PACS2: variants seen among roughly 807,000 people sequenced by gnomAD.
PACS2 encodes the protein PACS1-like protein.
Under a neutral mutation model 113.0 loss-of-function variants are expected in PACS2, and 36 were observed. The ratio of observed to expected loss-of-function variants is 0.32; its 90% CI spans 0.24 to 0.42. The LOEUF (loss-of-function observed/expected upper bound fraction) is 0.42, where lower values mean the gene tolerates loss of function less well. Ranked by LOEUF, PACS2 falls within the 10% of genes least tolerant of loss-of-function variation. PACS2 has a pLI of 1.00. For synonymous variants in PACS2, 589 were observed against 536.1 expected, an observed-to-expected ratio of 1.10 and a Z score of -1.36; for missense variants, 1,015 against 1,239.5, an observed-to-expected ratio of 0.82 and a Z score of 2.72.
At chr14:105,387,359 C>T (rs587766817) in intron 19 of PACS2, among the ~76,000 whole-genome samples, 94 of 152,342 alleles carry the variant, frequency 6.2e-4, no homozygotes, top group Middle Eastern at 3.4e-3. Context: ...GCCTGGAGGG[C>T]GGCCTCGAGC....
At chr14:105,314,693 G>C (rs1347098945), upstream of PACS2, 7 of 142,474 alleles carry the variant, frequency 4.9e-5, no homozygotes, top group East Asian at 1.3e-3. Context: ...GCGCGGGGCG[G>C]CCGGGGGCGC....
rs2058995221 is a variant in PACS2 at position 105,323,933 on chromosome 14, T to C, written c.119+8896T>C. ...GGCCTGCACGGTGCGTGCACACCGCTCTGTCCGCGCAGGCTGTGCCCTGCT... is the reference window on the plus strand; with the variant it reads ...GGCCTGCACGGTGCGTGCACACCGCCCTGTCCGCGCAGGCTGTGCCCTGCT... On this transcript the variant is annotated intron_variant, in intron 1 of 24. Coordinates refer to ENST00000447393, the MANE Select transcript of PACS2 (RefSeq NM_001100913.3). The surrounding 1 kb of genome is among the most constrained non-coding windows in gnomAD (Gnocchi z 4.1). Among the ~76,000 whole-genome samples, 1 of 152,206 alleles carries C rather than the reference T, an allele frequency of 6.6e-6. No homozygotes were observed. The highest frequency in any genetic ancestry group is 2.4e-5 in the African/African-American group (1 of 41,454).
intron 1 of PACS2, among the ~76,000 whole-genome samples, chr14:105,322,513 G>A (rs1391333957): frequency 1.3e-5 from 2 of 152,038 alleles, no homozygotes; most frequent in Non-Finnish European, 2.9e-5. Context: ...TGATCTGCCC[G>A]CCTCGGCCTC....
At chr14:105,385,640 G>GC in intron 18 of PACS2, 45 bp from the exon 19 acceptor site, 2 of 1,441,612 alleles carry the variant, frequency 1.4e-6, no homozygotes, top group Non-Finnish European at 1.9e-6. Context: ...GGTCCTGAGG[G>GC]CGTCGTAACG....
intron 11 of PACS2, 109 bp from the exon 12 acceptor site, chr14:105,380,848 G>A (rs1013659054): frequency 8.0e-5 from 86 of 1,079,226 alleles, no homozygotes; most frequent in Middle Eastern, 2.5e-4. Flanking sequence ...TAGGAGCCAC[G>A]GCCTAGAGAG....
rs977707655 is a variant in PACS2 at position 105,365,875 on chromosome 14, G to A, written c.424-1338G>A. ...GCAGCCTCCAAGTACGTGAAGCTGC[G>A]TGTGCCCCGGCGAGTTGTGGGCACG... On this transcript the variant is annotated intron_variant, in intron 4 of 24. Transcript: ENST00000447393. This position sits in a 1 kb window ranked among gnomAD's most constrained non-coding sequence, Gnocchi z 5.1. Among the ~76,000 whole-genome samples, 5 of 152,250 alleles carry A rather than the reference G, an allele frequency of 3.3e-5. No homozygotes were observed. The highest frequency in any genetic ancestry group is 5.9e-5 in the Non-Finnish European group (4 of 68,044).
At chr14:105,391,874 T>G in intron 22 of PACS2, 108 bp downstream of exon 22, 2 of 1,184,854 alleles carry the variant, frequency 1.7e-6, no homozygotes, top group Non-Finnish European at 2.3e-6. Flanking sequence ...GCACCTGGCC[T>G]GTCAGCCACG....
intron 1 of PACS2, among the ~76,000 whole-genome samples, chr14:105,332,980 A>AGGCTCCGCTCCTGTG (rs1363134788): frequency 6.6e-6 from 1 of 151,868 alleles, no homozygotes; most frequent in Non-Finnish European, 1.5e-5. Context: ...CCCCCTCCCC[A>AGGCTCCGCTCCTGTG]GGCTCCGCTC....
intron 2 of PACS2, among the ~76,000 whole-genome samples, chr14:105,349,245 A>G (rs1376078236): frequency 6.6e-6 from 1 of 152,216 alleles, no homozygotes; most frequent in Non-Finnish European, 1.5e-5. Context: ...ATACGGTTCC[A>G]GGTGTGTGGC....
intron 1 of PACS2, among the ~76,000 whole-genome samples, chr14:105,307,934 G>A (rs1177062266): frequency 6.6e-6 from 1 of 152,232 alleles, no homozygotes; most frequent in Non-Finnish European, 1.5e-5. Context: ...TGTCATCCCA[G>A]CACTTTGGGA....
At chr14:105,394,340 G>C (rs587766837) in intron 24 of PACS2, 2 of 985,358 alleles carry the variant, frequency 2.0e-6, no homozygotes, top group Non-Finnish European at 1.2e-6. Flanking sequence ...AGGGCTCTGA[G>C]TGTGGAGGGC....
At chr14:105,345,235 G>A (rs868931100) in intron 1 of PACS2, among the ~76,000 whole-genome samples, 2 of 151,984 alleles carry the variant, frequency 1.3e-5, no homozygotes, top group African/African-American at 4.8e-5. Flanking sequence ...GTGAAACCCC[G>A]TCTCCACTAA....
intron 8 of PACS2, chr14:105,372,536 A>G (rs2061195510): frequency 6.6e-6 from 1 of 152,228 alleles, no homozygotes; most frequent in African/African-American, 2.4e-5. Flanking sequence ...AATAGATAAA[A>G]TGGTAAATAT....
intron 19 of PACS2, among the ~76,000 whole-genome samples, chr14:105,387,806 G>C (rs2081229071): frequency 6.6e-6 from 1 of 152,264 alleles, no homozygotes; most frequent in Admixed American, 6.5e-5. Context: ...TGGCTCGGCA[G>C]AGGGCAGGTG....
chr14:105,392,993 G>C, intron 23 of PACS2, 148 bp downstream of exon 23: 1 of 703,742 alleles, frequency 1.4e-6, no homozygotes. Flanking sequence ...GAGGGAGCCT[G>C]AATCCTGAGG....
At chr14:105,385,234 T>A (rs1180913007) in intron 18 of PACS2, among the ~76,000 whole-genome samples, 1 of 152,198 alleles carries the variant, frequency 6.6e-6, no homozygotes, top group Non-Finnish European at 1.5e-5. Context: ...CCCCGCGTGA[T>A]AAGAAGTTGA....
chr14:105,392,429 G>A, intron 22 of PACS2, 190 bp from the exon 23 acceptor site: 1 of 599,796 alleles, frequency 1.7e-6, no homozygotes, highest in Non-Finnish European at 3.0e-6. Context: ...TGTAATTTAA[G>A]CAGGACCCTT....
Position 105,384,977 on chromosome 14 carries a change from A to G in PACS2, c.1990A>G (p.Lys664Glu). ...CATCGCAGAGGCCATGCTGACCTAC[A>G]AGCAGAAGAGGTAACGCGGTGGGCC... ...LPIAEAMLTY[K>E]QKRKKHFHFD... The change falls in exon 18 of 25, where the codon AAG becomes GAG. Residue 664 changes from lysine to glutamate, a missense_variant. By Grantham distance (56) the Lys-to-Glu change is moderately conservative (BLOSUM62 1). Transcript: ENST00000447393. 6.3e-7 allele frequency: 1 copy of G among 1,575,664 alleles called. No individual in the cohort carries two copies. The highest frequency in any genetic ancestry group is 8.6e-7 in the Non-Finnish European group (1 of 1,158,514).
rs1555408413 is a variant in PACS2, at chr14:105,368,138, G to A, written c.651G>A (p.Val217=). The part of the protein sequence containing the change: ...SSEQEASDDA[V]QGQDLDEDDF... Reference sequence around the variant, plus strand: ...AGCAGGAGGCCAGTGACGACGCCGTGCAGGGGCAGGTGACCTGGGGCCGGG... The same window carrying A: ...AGCAGGAGGCCAGTGACGACGCCGTACAGGGGCAGGTGACCTGGGGCCGGG... The change falls in exon 6 of 25, where the codon GTG becomes GTA. Residue 217 remains valine (V), a synonymous_variant. Coordinates refer to ENST00000447393, the MANE Select transcript of PACS2 (RefSeq NM_001100913.3). 1.2e-6 allele frequency: 2 copies of A among 1,607,308 alleles called. No individual in the cohort carries two copies. The highest frequency in any genetic ancestry group is 2.2e-5 in the South Asian group (2 of 91,008).
Sources: allele counts gnomAD v4.1 joint callset (sites outside exome capture counted in the v4.1 genomes callset), GRCh38; gene constraint gnomAD v4.1.1; non-coding constraint Gnocchi (gnomAD v3.1); transcripts MANE v1.5; gene names NCBI Gene and HGNC (gene_info 2026-07-23, HGNC 2026-07-21).